CLCA2: variants seen among roughly 807,000 people sequenced by gnomAD.
CLCA2 encodes the protein calcium-activated chloride channel regulator 2.
Under a neutral mutation model 82.9 loss-of-function variants are expected in CLCA2, and 85 were observed. The ratio of observed to expected loss-of-function variants is 1.03; its 90% CI spans 0.86 to 1.23. CLCA2 has a LOEUF of 1.23. Among genes scored for constraint, CLCA2 ranks in the 50% most tolerant of loss-of-function variants. The probability of loss-of-function intolerance (pLI) is 0.00; values close to 1 mark genes in which losing one functional copy is unlikely to be tolerated. For missense variants in CLCA2, 1,089 were observed against 1,124.8 expected (o/e 0.97, Z 0.45); for synonymous variants, 421 against 391.7 (o/e 1.07, Z -0.88).
intron 9 of CLCA2, among the ~76,000 whole-genome samples, chr1:86,442,326 C>T (rs1452161650): frequency 6.6e-6 from 1 of 152,198 alleles, no homozygotes; most frequent in East Asian, 1.9e-4. Context: ...ATTGGCTCTT[C>T]TGATAATGCT....
At chr1:86,455,063 T>G (rs1193392265) in intron 13 of CLCA2, 22 bp from the exon 14 acceptor site, 7 of 1,381,430 alleles carry the variant, frequency 5.1e-6, no homozygotes, top group Non-Finnish European at 6.8e-6. Context: ...TTAATTTTCC[T>G]ATTTATATTT....
In CLCA2 at chr1:86,435,497, C is replaced by A. The variant is rs1057064330; in HGVS notation, c.972+752C>A. Among the ~76,000 whole-genome samples, 3 of 152,296 alleles carry A rather than the reference C, an allele frequency of 2.0e-5. No individual in the cohort carries two copies. In the South Asian group the frequency reaches 6.2e-4, roughly 32 times the overall value. The stretch of plus-strand genomic sequence containing the variant: ...TGTGTACAGAAGACCATATCTCAGT[C>A]ATCTAGCAATCTAGCAGCCTCCAGC... On this transcript the variant is annotated intron_variant, in intron 6 of 13. Coordinates refer to ENST00000370565, the MANE Select transcript of CLCA2 (RefSeq NM_006536.7).
chr1:86,455,035 A>T, intron 13 of CLCA2, 50 bp from the exon 14 acceptor site: 1 of 1,138,352 alleles, frequency 8.8e-7, no homozygotes, highest in Admixed American at 3.1e-5. Context: ...ATAAACTAGA[A>T]AATATACTCA....
intron 6 of CLCA2, among the ~76,000 whole-genome samples, chr1:86,438,249 A>T (rs1662652946): frequency 6.6e-6 from 1 of 152,328 alleles, no homozygotes; most frequent in South Asian, 2.1e-4. Context: ...CTAGTGAATT[A>T]ATCAATAGCA....
chr1:86,424,254 C>T lies in CLCA2; in HGVS notation c.7C>T (p.Gln3Ter). 1 of 1,612,094 alleles carries T rather than the reference C, an allele frequency of 6.2e-7. No individual in the cohort carries two copies. Among genetic ancestry groups the T allele is most frequent in the Non-Finnish European group, 8.5e-7 (1 of 1,179,306 alleles). The change falls in exon 1 of 14, where the codon CAA (glutamine) becomes TAA (stop). Residue 3 changes from glutamine (Q) to a stop codon, truncating the protein, a stop_gained. Transcript: ENST00000370565. LOFTEE classifies it high-confidence loss of function. ...CTGGAGGCTTCTCTACAACATGACC[C>T]AAAGGAGCATTGCAGGTCCTATTTG... The part of the protein sequence containing the change: MT[Q>*]RSIAGPICNL...
chr1:86,448,724 A>G (rs906129438), intron 11 of CLCA2, among the ~76,000 whole-genome samples: 8 of 152,234 alleles, frequency 5.3e-5, no homozygotes, highest in Non-Finnish European at 8.8e-5. Flanking sequence ...CAGGAAAACA[A>G]AAGTTCATTC....
At chr1:86,431,014 C>A (rs1662488194) in intron 4 of CLCA2, 44 bp downstream of exon 4, 1 of 1,375,436 alleles carries the variant, frequency 7.3e-7, no homozygotes, top group Non-Finnish European at 1.0e-6. Context: ...TTATTTGACT[C>A]TAAAATTGCT....
In CLCA2 at chr1:86,430,926, C is replaced by A; in HGVS notation, c.540C>A (p.Asp180Glu). The change falls in exon 4 of 14, where the codon GAC becomes GAA. Residue 180 changes from aspartate to glutamate, a missense_variant. Physicochemically the swap from Asp to Glu is conservative, Grantham distance 45. Transcript: ENST00000370565. ...RWGVFDEYNNDKPFYINGQNQ... is the reference protein window; with the variant it reads ...RWGVFDEYNNEKPFYINGQNQ... ...GTGTGTTCGATGAGTATAACAATGA[C>A]AAACCTTTCTACATAAATGGGCAAA... The A allele has an allele frequency of 6.2e-7, 1 of 1,613,358 alleles. No homozygotes were observed. Among genetic ancestry groups the A allele is most frequent in the East Asian group, 2.2e-5 (1 of 44,820 alleles).
chr1:86,430,777 T>A lies in CLCA2; in HGVS notation c.476-85T>A. 4.1e-6 allele frequency: 4 copies of A among 976,734 alleles called. No homozygotes were observed. In the South Asian group the frequency reaches 5.3e-5, roughly 13 times the overall value. The allele number at this position is 976,734 out of a possible 1,614,324, so 60.5% of individuals were successfully genotyped here. On this transcript the variant is annotated intron_variant, in intron 3 of 13. Transcript: ENST00000370565. ...TGGTCATTCCAAAGAGTATGTGTGG[T>A]CAAGAAATGTTACGTCTTCACTAGT... is the stretch of plus-strand genomic sequence containing the variant.
chr1:86,454,078 C>G (rs1663026432), intron 13 of CLCA2, among the ~76,000 whole-genome samples: 1 of 152,200 alleles, frequency 6.6e-6, no homozygotes, highest in Admixed American at 6.5e-5. Context: ...TGATTCAGGG[C>G]TTTCTTATTC....
intron 2 of CLCA2, among the ~76,000 whole-genome samples, chr1:86,426,210 T>A (rs72720120): frequency 0.014 from 2,142 of 152,258 alleles, 33 homozygotes; most frequent in Non-Finnish European, 0.018. Context: ...CAAGAGTCCA[T>A]TGCAGCTACC....
At chr1:86,447,381 G>A (rs953056554) in intron 10 of CLCA2, 127 bp from the exon 11 acceptor site, 25 of 908,298 alleles carry the variant, frequency 2.8e-5, no homozygotes, top group African/African-American at 1.3e-4. Flanking sequence ...GCATCTTTTT[G>A]TAGTATTTTA....
Position 86,430,909 on chromosome 1 carries a change from G to T in CLCA2, c.523G>T (p.Asp175Tyr), listed in dbSNP as rs752394361. Reference sequence around the variant, plus strand: ...GGCCCACCTCCGTTGGGGTGTGTTCGATGAGTATAACAATGACAAACCTTT... The same window carrying T: ...GGCCCACCTCCGTTGGGGTGTGTTCTATGAGTATAACAATGACAAACCTTT... ...EWAHLRWGVF[D>Y]EYNNDKPFYI... The change falls in exon 4 of 14, where the codon GAT (aspartate) becomes TAT (tyrosine). Residue 175 changes from aspartate to tyrosine, a missense_variant. Asp to Tyr is a radical substitution (Grantham distance 160, BLOSUM62 -3). Transcript: ENST00000370565. The T allele has an allele frequency of 7.4e-6, 12 of 1,613,720 alleles. No homozygotes were observed. Among genetic ancestry groups the T allele is most frequent in the Non-Finnish European group, 1.0e-5 (12 of 1,179,854 alleles).
rs529671681 is a variant in CLCA2, at chr1:86,441,463, A to G, written c.1408A>G (p.Ile470Val). 1.2e-6 allele frequency: 2 copies of G among 1,608,136 alleles called. No individual in the cohort carries two copies. Among genetic ancestry groups the G allele is most frequent in the East Asian group, 2.2e-5 (1 of 44,834 alleles). ...AGGTTTAAAGTTCTTTGTTCCAGAT[A>G]TATCAAACTCCAATAGCATGATTGA... ...TGGLKFFVPD[I>V]SNSNSMIDAF... The change falls in exon 9 of 14, where the codon ATA (isoleucine) becomes GTA (valine). Residue 470 changes from isoleucine to valine, a missense_variant. Ile to Val is a conservative substitution (Grantham distance 29). Transcript: ENST00000370565.
At chr1:86,451,998 T>A (rs1662978669) in intron 12 of CLCA2, among the ~76,000 whole-genome samples, 2 of 152,182 alleles carry the variant, frequency 1.3e-5, no homozygotes, top group Non-Finnish European at 2.9e-5. Flanking sequence ...TTCATAACTT[T>A]AAAATTATTA....
chr1:86,434,154 A>T (rs1186407980), intron 5 of CLCA2, among the ~76,000 whole-genome samples: 1 of 152,154 alleles, frequency 6.6e-6, no homozygotes, highest in Non-Finnish European at 1.5e-5. Flanking sequence ...GCTGATCATG[A>T]TAACTTCTTC....
At position 86,453,542 on chromosome 1, in the gene CLCA2, G is replaced by A. The variant is rs377342694; in HGVS notation, c.2329G>A (p.Val777Ile). ...CKIIDLEAVK[V>I]EEELTLSWTA... ...AATTATTGACCTGGAAGCTGTAAAA[G>A]TAGAAGAGGAATTGACCCTATCTTG... The change falls in exon 13 of 14, where the codon GTA becomes ATA. Residue 777 changes from valine to isoleucine, a missense_variant. Transcript: ENST00000370565. The A allele has an allele frequency of 3.7e-6, 6 of 1,614,056 alleles. No individual in the cohort carries two copies. In the African/African-American group the frequency reaches 8.0e-5, roughly 22 times the overall value.
rs1662787772 is a variant in CLCA2 at position 86,443,799 on chromosome 1, G to A, written c.1501G>A (p.Gly501Ser). Residue 501 changes from glycine to serine, a missense_variant, in exon 10 of 14, where the codon GGT becomes AGT. Gly to Ser is a moderately conservative substitution (Grantham distance 56). Coordinates refer to ENST00000370565, the MANE Select transcript of CLCA2 (RefSeq NM_006536.7). ...FQQHIQLEST[G>S]ENVKPHHQLK... Reference sequence around the variant, plus strand: ...TTCTCTTTAACAGCTTGAAAGTACAGGTGAAAATGTCAAACCTCACCATCA... The same window carrying A: ...TTCTCTTTAACAGCTTGAAAGTACAAGTGAAAATGTCAAACCTCACCATCA... 6.2e-7 allele frequency: 1 copy of A among 1,613,346 alleles called. No individual in the cohort carries two copies. Among genetic ancestry groups the A allele is most frequent in the Non-Finnish European group, 8.5e-7 (1 of 1,179,534 alleles).
chr1:86,434,547 C>CA lies in CLCA2; in HGVS notation c.776dup (p.Asn259LysfsTer26), dbSNP rs750455433. On this transcript the variant is annotated frameshift_variant, in exon 6 of 14. Coordinates refer to ENST00000370565, the MANE Select transcript of CLCA2 (RefSeq NM_006536.7). LOFTEE classifies it high-confidence loss of function. ...TTGAATTTTGTAATGCAAGTACCCA[C>CA]AACCAAGAAGCACCAAACCTACAGA... 1.2e-6 allele frequency: 2 copies of CA among 1,614,030 alleles called. No individual in the cohort carries two copies. The highest frequency in any genetic ancestry group is 2.2e-5 in the East Asian group (1 of 44,868).
Sources: gnomAD v4.1 joint callset for allele counts (sites outside exome capture counted in the v4.1 genomes callset) on GRCh38, gnomAD v4.1.1 for gene constraint, MANE v1.5 for transcripts, NCBI Gene and HGNC (gene_info 2026-07-23, HGNC 2026-07-21) for gene names.